ANTXR2: variants seen among roughly 807,000 people sequenced by gnomAD.
The protein encoded by ANTXR2 is anthrax toxin receptor 2.
ANTXR2 carries 44 observed loss-of-function variants against 73.7 expected under a neutral mutation model. That is an observed-to-expected ratio of 0.60 (90% CI 0.47 to 0.77). ANTXR2 has a LOEUF of 0.77. ANTXR2 is among the 30% of genes least tolerant of loss of function. ANTXR2 has a pLI of 0.00. For synonymous variants in ANTXR2, 217 were observed against 205.9 expected, an observed-to-expected ratio of 1.05 and a Z score of -0.46; for missense variants, 604 against 592.5, an observed-to-expected ratio of 1.02 and a Z score of -0.20.
intron 10 of ANTXR2, among the ~76,000 whole-genome samples, chr4:80,019,275 G>A (rs1367163892): frequency 6.6e-6 from 1 of 152,166 alleles, no homozygotes; most frequent in Non-Finnish European, 1.5e-5. Flanking sequence ...GCTGAGGCAG[G>A]AGAATTGCTG....
chr4:79,995,928 T>C (rs1228624822), intron 12 of ANTXR2, among the ~76,000 whole-genome samples: 2 of 152,024 alleles, frequency 1.3e-5, no homozygotes, highest in Non-Finnish European at 2.9e-5. Flanking sequence ...GAACCAGAGC[T>C]AAGGCTCATC....
At chr4:79,975,856 A>T (rs930195459) in intron 16 of ANTXR2, among the ~76,000 whole-genome samples, 1 of 152,148 alleles carries the variant, frequency 6.6e-6, no homozygotes, top group Non-Finnish European at 1.5e-5. Context: ...TGGTCTTAGC[A>T]AACAGTAAAT....
At chr4:80,035,246 A>G (rs1409784687) in intron 8 of ANTXR2, among the ~76,000 whole-genome samples, 1 of 152,098 alleles carries the variant, frequency 6.6e-6, no homozygotes, top group Non-Finnish European at 1.5e-5. Context: ...CAGATGCACT[A>G]CTTTCCTTAA....
chr4:80,005,880 G>A (rs1486573497), intron 12 of ANTXR2, among the ~76,000 whole-genome samples: 14 of 152,046 alleles, frequency 9.2e-5, no homozygotes, highest in Non-Finnish European at 8.8e-5. Flanking sequence ...TCATCCCTGG[G>A]AAGAGATCAG....
chr4:79,946,675 AC>A (rs766411681), intron 16 of ANTXR2, among the ~76,000 whole-genome samples: 3 of 152,114 alleles, frequency 2.0e-5, no homozygotes, highest in East Asian at 1.9e-4. Flanking sequence ...ACATCATAGT[AC>A]CCACTACAGT....
intron 7 of ANTXR2, among the ~76,000 whole-genome samples, chr4:80,036,244 T>C (rs1036154586): frequency 6.6e-6 from 1 of 152,152 alleles, no homozygotes; most frequent in Admixed American, 6.5e-5. Flanking sequence ...TACTGTAGGA[T>C]CCTTATTTGA....
chr4:79,978,262 A>T (rs1729730194), intron 14 of ANTXR2, 88 bp from the exon 15 acceptor site: 4 of 1,246,022 alleles, frequency 3.2e-6, no homozygotes, highest in Admixed American at 5.7e-5. Context: ...TTTAGTTCAC[A>T]TCTCAGAGTG....
At chr4:79,972,982 C>T (rs1199539825) in intron 16 of ANTXR2, among the ~76,000 whole-genome samples, 3 of 148,924 alleles carry the variant, frequency 2.0e-5, no homozygotes, top group South Asian at 4.2e-4. Flanking sequence ...AAGAAGCCAA[C>T]TGAAAATTAA....
chr4:80,055,940 G>C lies in ANTXR2; in HGVS notation c.370C>G (p.Leu124Val), dbSNP rs769053907. 6.5e-7 allele frequency: 1 copy of C among 1,544,140 alleles called. No homozygotes were observed. Among genetic ancestry groups the C allele is most frequent in the Non-Finnish European group, 8.7e-7 (1 of 1,144,046 alleles). The change falls in exon 4 of 17, where the codon CTA becomes GTA. Residue 124 changes from leucine to valine, a missense_variant. Physicochemically the swap from Leu to Val is conservative, Grantham distance 32. Transcript: ENST00000403729. The stretch of plus-strand genomic sequence containing the variant: ...AATGTAAAATAACTTACTAGCTTTA[G>C]TCCTTCATGGATATATGTCTCTCCT... Reference protein sequence around the residue: ...PVGETYIHEGLKLANEQIQKA... With the variant: ...PVGETYIHEGVKLANEQIQKA...
intron 16 of ANTXR2, among the ~76,000 whole-genome samples, chr4:79,923,859 T>C (rs551197082): frequency 2.0e-5 from 3 of 152,146 alleles, no homozygotes; most frequent in Non-Finnish European, 4.4e-5. Context: ...TGTCTCTATG[T>C]GTGTTGATAC....
Position 79,903,476 on chromosome 4 carries a change from C to T in ANTXR2, c.*3953G>A, listed in dbSNP as rs369116782. Reference sequence around the variant, plus strand: ...GTTGTACTGTGTACTTACTTATCAGCCTTTTCTTTTGGCAGGAGAGCACAA... The same window carrying T: ...GTTGTACTGTGTACTTACTTATCAGTCTTTTCTTTTGGCAGGAGAGCACAA... On this transcript the variant is annotated 3_prime_UTR_variant, in exon 17 of 17. Coordinates refer to ENST00000403729, the MANE Select transcript of ANTXR2 (RefSeq NM_058172.6). 3.2e-4 allele frequency: 48 copies of T among 152,128 alleles called. No homozygotes were observed. The highest frequency in any genetic ancestry group is 3.4e-3 in the Middle Eastern group (1 of 294). The allele number at this position is 152,128 out of a possible 1,614,324, so 9.4% of individuals were successfully genotyped here.
chr4:79,988,103 G>T (rs4613511), intron 12 of ANTXR2, among the ~76,000 whole-genome samples: 2 of 150,892 alleles, frequency 1.3e-5, no homozygotes, highest in African/African-American at 4.9e-5. Flanking sequence ...AAATCTTCAC[G>T]TATCAATATT....
chr4:79,911,614 A>G (rs899992293), intron 16 of ANTXR2, among the ~76,000 whole-genome samples: 1 of 151,984 alleles, frequency 6.6e-6, no homozygotes, highest in African/African-American at 2.4e-5. Flanking sequence ...GATTTCCATG[A>G]GCAAGAGTTA....
intron 7 of ANTXR2, 48 bp downstream of exon 7, chr4:80,054,224 A>C (rs2110106848): frequency 2.1e-6 from 3 of 1,436,134 alleles, no homozygotes; most frequent in Non-Finnish European, 2.9e-6. Flanking sequence ...ATAGATTAAA[A>C]AAATATACAA....
chr4:79,985,285 G>A (rs1194037094), intron 12 of ANTXR2, among the ~76,000 whole-genome samples: 2 of 151,664 alleles, frequency 1.3e-5, no homozygotes, highest in Non-Finnish European at 2.9e-5. Context: ...GGGAGGCAGA[G>A]CTTGCAGTGT....
chr4:79,910,532 G>GA (rs10718867), intron 16 of ANTXR2, among the ~76,000 whole-genome samples: 33,841 of 137,454 alleles, frequency 0.25, 5,536 homozygotes, highest in African/African-American at 0.47. Flanking sequence ...AGAAAAAAAA[G>GA]AAAAAAAAAA....
Position 80,071,612 on chromosome 4 carries a change from G to A in ANTXR2, c.195C>T (p.Phe65=), listed in dbSNP as rs375440055. 455 of 1,613,086 alleles carry A rather than the reference G, an allele frequency of 2.8e-4. No individual in the cohort carries two copies. Among genetic ancestry groups the A allele is most frequent in the Non-Finnish European group, 2.0e-4 (233 of 1,179,310 alleles). ...CAAATCTCTCCGCAAGTTGCTGTAC[G>A]AAATTATAAATTTCAATCCAGTTAT... is the stretch of plus-strand genomic sequence containing the variant. The part of the protein sequence containing the change: ...VANNWIEIYN[F]VQQLAERFVS... Residue 65 remains phenylalanine (F), a synonymous_variant, in exon 2 of 17, where the codon TTC becomes TTT. Transcript: ENST00000403729.
chr4:80,017,793 C>G (rs564011081), intron 11 of ANTXR2, among the ~76,000 whole-genome samples: 36 of 152,200 alleles, frequency 2.4e-4, no homozygotes, highest in Non-Finnish European at 4.3e-4. Context: ...CAGCAAACTG[C>G]AACATCCACA....
chr4:80,070,637 AG>A (rs1734745522), intron 2 of ANTXR2, among the ~76,000 whole-genome samples: 1 of 152,220 alleles, frequency 6.6e-6, no homozygotes, highest in Non-Finnish European at 1.5e-5. Context: ...ACATTTTTAT[AG>A]GGATAACTTT....
Sources: gnomAD v4.1 joint callset for allele counts (sites outside exome capture counted in the v4.1 genomes callset) on GRCh38, gnomAD v4.1.1 for gene constraint, MANE v1.5 for transcripts, NCBI Gene and HGNC (gene_info 2026-07-23, HGNC 2026-07-21) for gene names.